The following ARHGAP10 variants were observed in gnomAD, a reference collection of about 807,000 sequenced individuals.
ARHGAP10 encodes the protein Rho GTPase activating protein 10.
A neutral mutation model predicts 108.6 loss-of-function variants in ARHGAP10; 87 were observed. The ratio of observed to expected loss-of-function variants is 0.80; its 90% confidence interval spans 0.67 to 0.96. ARHGAP10 has a LOEUF of 0.96. Among genes scored for constraint, ARHGAP10 ranks in the 40% least tolerant of loss-of-function variants. ARHGAP10 has a pLI of 0.00. For synonymous variants in ARHGAP10, 347 were observed against 341.1 expected (o/e 1.02, Z -0.19); for missense variants, 939 against 954.5 (o/e 0.98, Z 0.21).
rs1012518078 is a variant in ARHGAP10, at chr4:147,911,207, C to CACT, written c.1162+1431_1162+1432insCTA. ...AATTCTTGAGCAGAAAACCACTGCC[C>CACT]AATTCATTAAAATTCTCTTCAAGCT... is the stretch of plus-strand genomic sequence containing the variant. On this transcript the variant is annotated intron_variant, in intron 12 of 22. Transcript: ENST00000336498. Among the ~76,000 whole-genome samples the CACT allele has an allele frequency of 8.6e-5, 13 of 151,934 alleles. No individual in the cohort carries two copies. In the East Asian group the frequency reaches 1.9e-3, roughly 23 times the overall value.
chr4:147,935,310 GA>G (rs1737880356), intron 13 of ARHGAP10, among the ~76,000 whole-genome samples: 1 of 152,202 alleles, frequency 6.6e-6, no homozygotes, highest in African/African-American at 2.4e-5. Context: ...GGATCCAGGG[GA>G]CATTAGATAA....
intron 18 of ARHGAP10, among the ~76,000 whole-genome samples, chr4:148,017,288 A>T (rs576283767): frequency 6.6e-6 from 1 of 152,330 alleles, no homozygotes; most frequent in African/African-American, 2.4e-5. Flanking sequence ...AAGTCAGACA[A>T]GGAAGGTCAG....
intron 1 of ARHGAP10, among the ~76,000 whole-genome samples, 178 bp downstream of exon 1, chr4:147,732,633 C>A (rs759299419): frequency 1.3e-5 from 2 of 152,030 alleles, no homozygotes; most frequent in East Asian, 3.9e-4. Context: ...CATTCCTCCT[C>A]GAGGCAGCGC....
chr4:148,016,814 A>G (rs767957606), intron 18 of ARHGAP10, among the ~76,000 whole-genome samples: 36 of 151,856 alleles, frequency 2.4e-4, no homozygotes, highest in Non-Finnish European at 5.0e-4. Context: ...GGTTCCCACA[A>G]CCCCTGCTTT....
chr4:148,012,446 G>C (rs1370786976), intron 18 of ARHGAP10, among the ~76,000 whole-genome samples: 1 of 152,204 alleles, frequency 6.6e-6, no homozygotes, highest in Non-Finnish European at 1.5e-5. Flanking sequence ...CTGAAGGAGA[G>C]GCTGGTGCCT....
chr4:147,867,405 C>T (rs573178119), intron 7 of ARHGAP10, among the ~76,000 whole-genome samples: 5 of 152,254 alleles, frequency 3.3e-5, no homozygotes, highest in East Asian at 1.9e-4. Flanking sequence ...ATCCTGGAAG[C>T]GTCCTCACTG....
intron 19 of ARHGAP10, among the ~76,000 whole-genome samples, chr4:148,046,597 C>T (rs185905391): frequency 1.1e-4 from 17 of 152,218 alleles, no homozygotes; most frequent in East Asian, 9.7e-4. Context: ...ACCTGGACTC[C>T]GTATAGTGAG....
intron 18 of ARHGAP10, among the ~76,000 whole-genome samples, chr4:148,022,572 AAAG>A (rs1741608503): frequency 6.6e-6 from 1 of 152,320 alleles, no homozygotes; most frequent in African/African-American, 2.4e-5. Context: ...GCTTTTCTCA[AAAG>A]AAGAAATTTG....
At chr4:147,946,785 A>G in intron 15 of ARHGAP10, 81 bp downstream of exon 15, 2 of 1,077,566 alleles carry the variant, frequency 1.9e-6, no homozygotes, top group Non-Finnish European at 2.5e-6. Flanking sequence ...GTGTACATAA[A>G]TATCAATAGT....
chr4:148,055,948 C>T (rs1729345844), intron 20 of ARHGAP10, among the ~76,000 whole-genome samples: 1 of 152,200 alleles, frequency 6.6e-6, no homozygotes, highest in South Asian at 2.1e-4. Context: ...CCCCACGTCC[C>T]TTCCAGGCTT....
At chr4:147,999,676 C>T (rs376979891) in intron 18 of ARHGAP10, among the ~76,000 whole-genome samples, 1 of 152,172 alleles carries the variant, frequency 6.6e-6, no homozygotes, top group Non-Finnish European at 1.5e-5. Context: ...AGAGCTCTAA[C>T]ACTCACCACA....
At chr4:148,003,332 C>T (rs573477270) in intron 18 of ARHGAP10, among the ~76,000 whole-genome samples, 4 of 152,240 alleles carry the variant, frequency 2.6e-5, no homozygotes, top group Non-Finnish European at 5.9e-5. Flanking sequence ...GCTTTACTTC[C>T]AACTATGTGG....
chr4:147,876,981 T>C (rs377183745), intron 8 of ARHGAP10, among the ~76,000 whole-genome samples: 4 of 152,186 alleles, frequency 2.6e-5, no homozygotes, highest in Admixed American at 2.0e-4. Context: ...GTGTTGGTAA[T>C]GTCTCCCGTA....
chr4:147,789,974 G>A (rs981048846), intron 1 of ARHGAP10, among the ~76,000 whole-genome samples: 3 of 150,810 alleles, frequency 2.0e-5, no homozygotes, highest in African/African-American at 7.3e-5. Flanking sequence ...TGAACAGAAA[G>A]GTGTGTTGGT....
intron 12 of ARHGAP10, among the ~76,000 whole-genome samples, chr4:147,911,312 T>C (rs577223193): frequency 6.6e-6 from 1 of 152,322 alleles, no homozygotes; most frequent in South Asian, 2.1e-4. Flanking sequence ...TTAGTGTTAC[T>C]GTTCCCTAGG....
intron 1 of ARHGAP10, among the ~76,000 whole-genome samples, chr4:147,736,456 T>G (rs1454664268): frequency 1.3e-5 from 2 of 152,252 alleles, no homozygotes; most frequent in African/African-American, 2.4e-5. Context: ...TTTCCTATTT[T>G]GTAAACTTGA....
In ARHGAP10 at chr4:147,987,711, G is replaced by A. The variant is rs555390977; in HGVS notation, c.1716+20872G>A. On this transcript the variant is annotated intron_variant, in intron 18 of 22. Transcript: ENST00000336498. ...GCCAGTTACTATGAGGTTGTCTCTG[G>A]GCTTTGGGGCTGAAGACATCTCTGT... 3.9e-5 allele frequency among the ~76,000 whole-genome samples: 6 copies of A among 152,320 alleles called. No individual in the cohort carries two copies. In the South Asian group the frequency reaches 1.2e-3, roughly 32 times the overall value.
At chr4:147,914,339 TG>T (rs747373942) in intron 13 of ARHGAP10, among the ~76,000 whole-genome samples, 7 of 152,142 alleles carry the variant, frequency 4.6e-5, no homozygotes, top group Non-Finnish European at 1.0e-4. Context: ...TTCCTGTATT[TG>T]CTGCGTTGCA....
At chr4:148,068,805 C>G (rs2149694599) in intron 22 of ARHGAP10, among the ~76,000 whole-genome samples, 1 of 152,262 alleles carries the variant, frequency 6.6e-6, no homozygotes, top group South Asian at 2.1e-4. Flanking sequence ...TCAGTGATTT[C>G]AGTACTTGTC....
Sources: allele counts gnomAD v4.1 joint callset (sites outside exome capture counted in the v4.1 genomes callset), GRCh38; gene constraint gnomAD v4.1.1; transcripts MANE v1.5; gene names NCBI Gene and HGNC (gene_info 2026-07-23, HGNC 2026-07-21).